The following TLR5 variants were observed in gnomAD, a reference collection of about 807,000 sequenced individuals.
The protein encoded by TLR5 is toll like receptor 5, also known as toll-like receptor 5.
For synonymous variants in TLR5, 373 were observed against 384.4 expected (o/e 0.97, Z 0.35); for missense variants, 944 against 999.8 (o/e 0.94, Z 0.75).
At chr1:223,135,740 T>C (rs1408220102) in intron 3 of TLR5, among the ~76,000 whole-genome samples, 1 of 152,160 alleles carries the variant, frequency 6.6e-6, no homozygotes, top group Non-Finnish European at 1.5e-5. Context: ...TCTGGCAAAT[T>C]TGCAAGGCTG....
chr1:223,114,027 A>G (rs1251318762), intron 5 of TLR5, among the ~76,000 whole-genome samples: 1 of 152,158 alleles, frequency 6.6e-6, no homozygotes, highest in Non-Finnish European at 1.5e-5. Context: ...ATCATGCAGA[A>G]ATTGGGCACT....
intron 5 of TLR5, among the ~76,000 whole-genome samples, chr1:223,116,514 T>C (rs1656657238): frequency 6.6e-6 from 1 of 152,170 alleles, no homozygotes; most frequent in South Asian, 2.1e-4. Flanking sequence ...ATAAATGTAG[T>C]GCAGACCCAA....
At chr1:223,122,850 C>T (rs2102899808) in intron 5 of TLR5, among the ~76,000 whole-genome samples, 1 of 152,306 alleles carries the variant, frequency 6.6e-6, no homozygotes, top group African/African-American at 2.4e-5. Flanking sequence ...TGAGGCCTGT[C>T]CATCTCCATG....
Position 223,111,204 on chromosome 1 carries a change from AAT to A in TLR5, c.1826_1827del (p.Tyr609LeufsTer5). 6.2e-7 allele frequency: 1 copy of A among 1,614,222 alleles called. No individual in the cohort carries two copies. The highest frequency in any genetic ancestry group is 8.5e-7 in the Non-Finnish European group (1 of 1,180,036). On this transcript the variant is annotated frameshift_variant, in exon 6 of 6. Coordinates refer to ENST00000642603, the MANE Select transcript of TLR5 (RefSeq NM_003268.6). LOFTEE classifies it low-confidence loss of function (END_TRUNC). ...CCAGAGAACGAGTCAGGGTACACAC[AAT>A]ATATGTCTGCAGGAGGCCCAGCTAT... ...VTIAGPPADI[Y>X]CVYPDSFSGV...
intron 5 of TLR5, among the ~76,000 whole-genome samples, chr1:223,124,638 A>C (rs1052121794): frequency 6.6e-6 from 1 of 152,064 alleles, no homozygotes; most frequent in African/African-American, 2.4e-5. Context: ...TTTGAGATGA[A>C]GTCTCAATCT....
Position 223,110,219 on chromosome 1 carries a change from A to C in TLR5, c.*236T>G. ...GTATTATTGGATCTGAAAGAAAATC[A>C]ATGGAGACTGGAAACCTCTAAGGGC... On this transcript the variant is annotated 3_prime_UTR_variant, in exon 6 of 6. Coordinates refer to ENST00000642603, the MANE Select transcript of TLR5 (RefSeq NM_003268.6). 3.6e-6 allele frequency: 2 copies of C among 560,444 alleles called. 1 individual carries two copies. The highest frequency in any genetic ancestry group is 4.2e-5 in the South Asian group (2 of 47,968). 34.7% of individuals were successfully genotyped at this position (560,444 alleles called of 1,614,324 possible).
In TLR5 at chr1:223,111,647, G is replaced by C; in HGVS notation, c.1385C>G (p.Ser462Cys). 6.2e-7 allele frequency: 1 copy of C among 1,614,172 alleles called. No individual in the cohort carries two copies. The highest frequency in any genetic ancestry group is 8.5e-7 in the Non-Finnish European group (1 of 1,180,032). Reference sequence around the variant, plus strand: ...TGAAGGGGTTTGATCTCCACTACAGGAGGAGAAGCGATTTTGATTTAAAAT... The same window carrying C: ...TGAAGGGGTTTGATCTCCACTACAGCAGGAGAAGCGATTTTGATTTAAAAT... Reference protein sequence around the residue: ...ILILNQNRFSSCSGDQTPSEN... With the variant: ...ILILNQNRFSCCSGDQTPSEN... Residue 462 changes from serine (S) to cysteine (C), a missense_variant, in exon 6 of 6, where the codon TCC becomes TGC. Physicochemically the swap from Ser to Cys is moderately radical, Grantham distance 112. Transcript: ENST00000642603.
In TLR5 at chr1:223,110,935, G is replaced by T. The variant is rs1331855543; in HGVS notation, c.2097C>A (p.Phe699Leu). 1 of 1,614,252 alleles carries T rather than the reference G, an allele frequency of 6.2e-7. No individual in the cohort carries two copies. The highest frequency in any genetic ancestry group is 1.1e-5 in the South Asian group (1 of 91,084). ...DMYKYDAYLC[F>L]SSKDFTWVQN... is the part of the protein sequence containing the mutation. Reference sequence around the variant, plus strand: ...GCACCCATGTGAAGTCTTTGCTGCTGAAGCACAAATAGGCATCATATTTGT... The same window carrying T: ...GCACCCATGTGAAGTCTTTGCTGCTTAAGCACAAATAGGCATCATATTTGT... Residue 699 changes from phenylalanine to leucine, a missense_variant, in exon 6 of 6, where the codon TTC (phenylalanine) becomes TTA (leucine). Physicochemically the swap from Phe to Leu is conservative, Grantham distance 22 (BLOSUM62 0). Transcript: ENST00000642603.
intron 5 of TLR5, among the ~76,000 whole-genome samples, chr1:223,113,707 A>G (rs571455203): frequency 6.6e-6 from 1 of 152,102 alleles, no homozygotes; most frequent in South Asian, 2.1e-4. Flanking sequence ...CGATCCTCCT[A>G]CCTTGGCCTC....
At chr1:223,142,725 G>A (rs1163840593) in intron 1 of TLR5, among the ~76,000 whole-genome samples, 2 of 152,088 alleles carry the variant, frequency 1.3e-5, no homozygotes, top group Non-Finnish European at 2.9e-5. Flanking sequence ...GCCTTTTGTT[G>A]AGCAGCTCAG....
In TLR5 at chr1:223,110,888, A is replaced by G. The variant is rs893124099; in HGVS notation, c.2144T>C (p.Leu715Pro). 1.2e-6 allele frequency: 2 copies of G among 1,614,248 alleles called. No individual in the cohort carries two copies. The highest frequency in any genetic ancestry group is 8.5e-7 in the Non-Finnish European group (1 of 1,180,038). Residue 715 changes from leucine (L) to proline (P), a missense_variant, in exon 6 of 6, where the codon CTG (leucine) becomes CCG (proline). Transcript: ENST00000642603. ...GTTTTGGTCACTGTATTGAGTGTCC[A>G]GGTGTTTGAGCAAAGCATTCTGCAC... is the stretch of plus-strand genomic sequence containing the variant. ...TWVQNALLKH[L>P]DTQYSDQNRF...
intron 5 of TLR5, chr1:223,123,889 C>A (rs1290855302): frequency 1.3e-5 from 2 of 152,098 alleles, no homozygotes; most frequent in Admixed American, 6.5e-5. Context: ...GAGGAGTGCG[C>A]CATCTAGTGG....
At chr1:223,133,003 G>A (rs965942246) in intron 4 of TLR5, among the ~76,000 whole-genome samples, 2 of 152,190 alleles carry the variant, frequency 1.3e-5, no homozygotes, top group Non-Finnish European at 2.9e-5. Flanking sequence ...TGTCCAGTGA[G>A]CAGAGAACTT....
In TLR5 at chr1:223,110,264, T is replaced by C; in HGVS notation, c.*191A>G. ...AAGGGCAGTTGCAATTTTCTAGATCTATTATTTTCCATTTGGAGGTTAGTG... is the reference window on the plus strand; with the variant it reads ...AAGGGCAGTTGCAATTTTCTAGATCCATTATTTTCCATTTGGAGGTTAGTG... On this transcript the variant is annotated 3_prime_UTR_variant, in exon 6 of 6. Transcript: ENST00000642603. 1 of 633,440 alleles carries C rather than the reference T, an allele frequency of 1.6e-6. No individual in the cohort carries two copies. Among genetic ancestry groups the C allele is most frequent in the Non-Finnish European group, 2.7e-6 (1 of 368,926 alleles). 39.2% of individuals were successfully genotyped at this position (633,440 alleles called of 1,614,324 possible).
At position 223,110,461 on chromosome 1, in the gene TLR5, G is replaced by A. The variant is rs55902128; in HGVS notation, c.2571C>T (p.Ile857=). The A allele has an allele frequency of 1.0e-3, 1,616 of 1,614,012 alleles. 20 individuals are homozygous for A. In the South Asian group the frequency reaches 0.016, roughly 16 times the overall value. The part of the protein sequence containing the change: ...NNIPLQTVAT[I]S ...TTGGAAATTGCTCCTTTGATTAGGA[G>A]ATGGTTGCTACAGTTTGCAACGGAA... Residue 857 remains isoleucine (I), a synonymous_variant, in exon 6 of 6, where the codon ATC becomes ATT. Coordinates refer to ENST00000642603, the MANE Select transcript of TLR5 (RefSeq NM_003268.6).
In TLR5 at chr1:223,111,541, A is replaced by C. The variant is rs1656338112; in HGVS notation, c.1491T>G (p.Val497=). The stretch of plus-strand genomic sequence containing the variant: ...CTTGAAGATGAGAAAGTCCCTCAAA[A>C]ACATCCCAACAGAGCTCAGTTTCCC... The part of the protein sequence containing the change: ...LAWETELCWD[V]FEGLSHLQVL... The change falls in exon 6 of 6, where the codon GTT becomes GTG. Residue 497 remains valine (V), a synonymous_variant. Coordinates refer to ENST00000642603, the MANE Select transcript of TLR5 (RefSeq NM_003268.6). 1 of 1,614,044 alleles carries C rather than the reference A, an allele frequency of 6.2e-7. No homozygotes were observed. The highest frequency in any genetic ancestry group is 1.1e-5 in the South Asian group (1 of 91,082).
At position 223,111,182 on chromosome 1, in the gene TLR5, G is replaced by C. The variant is rs760836966; in HGVS notation, c.1850C>G (p.Ser617Cys). Residue 617 changes from serine to cysteine, a missense_variant, in exon 6 of 6, where the codon TCT becomes TGT. Transcript: ENST00000642603. ...DIYCVYPDSF[S>C]GVSLFSLSTE... ...GGAAAGAGAGAAGAGGGAAACCCCA[G>C]AGAACGAGTCAGGGTACACACAATA... 6.2e-7 allele frequency: 1 copy of C among 1,614,194 alleles called. No homozygotes were observed. Among genetic ancestry groups the C allele is most frequent in the Non-Finnish European group, 8.5e-7 (1 of 1,180,020 alleles).
intron 5 of TLR5, among the ~76,000 whole-genome samples, chr1:223,124,480 T>G (rs1328350555): frequency 2.0e-5 from 3 of 151,570 alleles, no homozygotes; most frequent in Non-Finnish European, 4.4e-5. Context: ...AAAAAAGGAT[T>G]GGAGCCCCCT....
At chr1:223,132,786 A>T (rs533206210) in intron 4 of TLR5, 147 bp from the exon 5 acceptor site, 1 of 152,292 alleles carries the variant, frequency 6.6e-6, no homozygotes, top group African/African-American at 2.4e-5. Flanking sequence ...GGAAAAGATC[A>T]AGACCATTTT....
Sources: allele counts gnomAD v4.1 joint callset (sites outside exome capture counted in the v4.1 genomes callset), GRCh38; gene constraint gnomAD v4.1.1; transcripts MANE v1.5; gene names NCBI Gene and HGNC (gene_info 2026-07-23, HGNC 2026-07-21).